ADAM19: variants seen among roughly 807,000 people sequenced by gnomAD.
The protein encoded by ADAM19 is ADAM metallopeptidase domain 19.
In ADAM19, 65 loss-of-function variants were observed where a neutral mutation model predicts 114.7. The ratio of observed to expected loss-of-function variants is 0.57; its 90% CI spans 0.46 to 0.70. ADAM19 has a LOEUF of 0.70. Ranked by LOEUF, ADAM19 falls within the 30% of genes least tolerant of loss-of-function variation. The pLI is 0.00. For synonymous variants in ADAM19, 466 were observed against 460.5 expected, an observed-to-expected ratio of 1.01 and a Z score of -0.15; for missense variants, 1,063 against 1,204.7, an observed-to-expected ratio of 0.88 and a Z score of 1.74.
intron 3 of ADAM19, among the ~76,000 whole-genome samples, chr5:157,539,373 G>T (rs1385011432): frequency 6.6e-6 from 1 of 152,126 alleles, no homozygotes; most frequent in African/African-American, 2.4e-5. Context: ...AAAGCCAAAG[G>T]AATCTGCAGG....
At chr5:157,530,603 A>G (rs1756596525) in intron 5 of ADAM19, among the ~76,000 whole-genome samples, 1 of 152,260 alleles carries the variant, frequency 6.6e-6, no homozygotes, top group Admixed American at 6.5e-5. Flanking sequence ...CATCAAGTTC[A>G]TCAGGAAAGT....
chr5:157,567,331 T>C (rs753276099), intron 2 of ADAM19, among the ~76,000 whole-genome samples: 10 of 152,206 alleles, frequency 6.6e-5, no homozygotes, highest in Non-Finnish European at 1.2e-4. Context: ...GGGGAGATGT[T>C]TGACCAATAA....
chr5:157,504,554 A>G (rs930931196), intron 11 of ADAM19, among the ~76,000 whole-genome samples: 1 of 152,100 alleles, frequency 6.6e-6, no homozygotes, highest in African/African-American at 2.4e-5. Context: ...CCCAGCCAAC[A>G]TCATCCTTTC....
intron 14 of ADAM19, among the ~76,000 whole-genome samples, chr5:157,495,473 T>C (rs575166972): frequency 1.8e-4 from 28 of 152,328 alleles, no homozygotes; most frequent in African/African-American, 6.5e-4. Context: ...AAAATTTTTC[T>C]TGTAGTCATC....
intron 12 of ADAM19, 72 bp downstream of exon 12, chr5:157,502,731 T>C: frequency 1.3e-6 from 2 of 1,534,440 alleles, no homozygotes; most frequent in African/African-American, 1.4e-5. Context: ...TTCAATTGTG[T>C]TCTCTTTGAC....
intron 5 of ADAM19, 31 bp downstream of exon 5, chr5:157,530,776 C>A (rs3734032): frequency 0.16 from 257,661 of 1,592,146 alleles, 21,694 homozygotes; most frequent in South Asian, 0.22. Context: ...GGAGAGTGCC[C>A]GGTGCCACCT....
chr5:157,573,611 T>C (rs1757891094), intron 1 of ADAM19, among the ~76,000 whole-genome samples: 1 of 152,032 alleles, frequency 6.6e-6, no homozygotes, highest in Non-Finnish European at 1.5e-5. Context: ...CCGGGTGTGG[T>C]GGCACATGCC....
chr5:157,575,763 T>G lies in ADAM19; in HGVS notation c.-67A>C. The G allele has an allele frequency of 8.5e-7, 1 of 1,177,428 alleles. No individual in the cohort carries two copies. The allele number at this position is 1,177,428 out of a possible 1,614,324, so 72.9% of individuals were successfully genotyped here. On this transcript the variant is annotated 5_prime_UTR_variant, in exon 1 of 23. Coordinates refer to ENST00000257527, the MANE Select transcript of ADAM19 (RefSeq NM_033274.5). Reference sequence around the variant, plus strand: ...GCCATACCTGCCCACTGCCCGGCGGTGGAGGCGCGTCTGGAACCCCCCGGC... The same window carrying G: ...GCCATACCTGCCCACTGCCCGGCGGGGGAGGCGCGTCTGGAACCCCCCGGC...
intron 2 of ADAM19, among the ~76,000 whole-genome samples, chr5:157,567,268 C>T (rs1029802775): frequency 1.3e-5 from 2 of 152,336 alleles, no homozygotes; most frequent in South Asian, 2.1e-4. Context: ...CCTAATTAAT[C>T]GTATTACTTC....
intron 7 of ADAM19, among the ~76,000 whole-genome samples, chr5:157,515,242 C>T (rs1756058005): frequency 6.6e-6 from 1 of 152,212 alleles, no homozygotes; most frequent in South Asian, 2.1e-4. Context: ...CCTCCTGTTT[C>T]TAAATTGGTC....
rs1490132603 is a variant in ADAM19, at chr5:157,491,467, CTCTT to C, written c.2095+144_2095+147del. 6.8e-6 allele frequency: 4 copies of C among 589,176 alleles called. No individual in the cohort carries two copies. In the African/African-American group the frequency reaches 7.5e-5, roughly 11 times the overall value. 36.5% of individuals were successfully genotyped at this position (589,176 alleles called of 1,614,324 possible). A position where few individuals can be genotyped will look rare whatever the true frequency, so the allele number is the denominator to read the frequency against. Reference sequence around the variant, plus strand: ...CCACACTATGAGCAGTCGCTCCTCTCTCTTGGTCTGTCTTTATCCTGATTTCCTC... The same window carrying C: ...CCACACTATGAGCAGTCGCTCCTCTCGGTCTGTCTTTATCCTGATTTCCTC... On this transcript the variant is annotated intron_variant, in intron 18 of 22. Transcript: ENST00000257527.
intron 5 of ADAM19, among the ~76,000 whole-genome samples, chr5:157,520,638 A>G (rs1216573272): frequency 6.6e-6 from 1 of 152,226 alleles, no homozygotes; most frequent in Non-Finnish European, 1.5e-5. Flanking sequence ...CACGGCAATG[A>G]TAACTTATCA....
At chr5:157,558,687 G>T (rs745619958) in intron 3 of ADAM19, among the ~76,000 whole-genome samples, 35 of 152,198 alleles carry the variant, frequency 2.3e-4, no homozygotes, top group Non-Finnish European at 4.3e-4. Flanking sequence ...CTGGGAGGGT[G>T]GAGGTGGGGA....
At chr5:157,556,786 C>G (rs1394638964) in intron 3 of ADAM19, among the ~76,000 whole-genome samples, 3 of 152,228 alleles carry the variant, frequency 2.0e-5, no homozygotes, top group African/African-American at 2.4e-5. Flanking sequence ...ACAACAATAT[C>G]TCATTCAAAG....
chr5:157,540,222 C>A (rs964018668), intron 3 of ADAM19, among the ~76,000 whole-genome samples: 1 of 152,210 alleles, frequency 6.6e-6, no homozygotes, highest in Non-Finnish European at 1.5e-5. Flanking sequence ...AAGTTTCTCT[C>A]TCTAACTTTC....
chr5:157,479,306 G>A lies in ADAM19; in HGVS notation c.*1643C>T. On this transcript the variant is annotated 3_prime_UTR_variant, in exon 23 of 23. Coordinates refer to ENST00000257527, the MANE Select transcript of ADAM19 (RefSeq NM_033274.5). ...CCAAGAAGCACCTATTGTGTGCAGA[G>A]AACTATAAGGAGGCCCTGGGGTGGT... The A allele has an allele frequency of 1.0e-6, 1 of 985,920 alleles. No homozygotes were observed. Among genetic ancestry groups the A allele is most frequent in the Non-Finnish European group, 1.2e-6 (1 of 830,004 alleles). 61.1% of individuals were successfully genotyped at this position (985,920 alleles called of 1,614,324 possible). A position where few individuals can be genotyped will look rare whatever the true frequency, so the allele number is the denominator to read the frequency against.
At chr5:157,481,562 G>A (rs1018929029) in intron 22 of ADAM19, 1 of 1,488,466 alleles carries the variant, frequency 6.7e-7, no homozygotes, top group Non-Finnish European at 8.9e-7. Context: ...GCAGGGGCAG[G>A]ACTGAAGCCA....
At chr5:157,566,392 A>T (rs1270233759) in intron 2 of ADAM19, 1 of 152,220 alleles carries the variant, frequency 6.6e-6, no homozygotes, top group African/African-American at 2.4e-5. Context: ...AGTTAATGGG[A>T]TCATGAGTTA....
chr5:157,479,297 G>C lies in ADAM19; in HGVS notation c.*1652C>G, dbSNP rs927975866. ...CAAGAACATCCAAGAAGCACCTATT[G>C]TGTGCAGAGAACTATAAGGAGGCCC... On this transcript the variant is annotated 3_prime_UTR_variant, in exon 23 of 23. Transcript: ENST00000257527. 30 of 985,938 alleles carry C rather than the reference G, an allele frequency of 3.0e-5. No individual in the cohort carries two copies. Among genetic ancestry groups the C allele is most frequent in the Non-Finnish European group, 3.6e-5 (30 of 830,014 alleles). 61.1% of individuals were successfully genotyped at this position (985,938 alleles called of 1,614,324 possible).
Sources: gnomAD v4.1 joint callset for allele counts (sites outside exome capture counted in the v4.1 genomes callset) on GRCh38, gnomAD v4.1.1 for gene constraint, MANE v1.5 for transcripts, NCBI Gene and HGNC (gene_info 2026-07-23, HGNC 2026-07-21) for gene names.